Variants in HDHD2 observed in about 807,000 individuals in gnomAD.
The protein encoded by HDHD2 is haloacid dehalogenase-like hydrolase domain-containing protein 2.
A neutral mutation model predicts 24.8 loss-of-function variants in HDHD2; 26 were observed. The observed-to-expected ratio is 1.05, with a 90% CI of 0.77 to 1.45. The LOEUF (loss-of-function observed/expected upper bound fraction) is 1.45. Ranked by LOEUF, HDHD2 falls within the 40% of genes most tolerant of loss-of-function variation. The pLI, the probability that HDHD2 is intolerant of heterozygous loss-of-function variation, is 0.00. For synonymous variants in HDHD2, 128 were observed against 114.9 expected (o/e 1.11, Z -0.73); for missense variants, 299 against 313.4 (o/e 0.95, Z 0.35).
chr18:47,124,599 G>A (rs879872225), intron 4 of HDHD2, among the ~76,000 whole-genome samples: 11 of 151,278 alleles, frequency 7.3e-5, no homozygotes, highest in Non-Finnish European at 1.5e-4. Flanking sequence ...CCAGCTACTC[G>A]GGAGGCTGAG....
intron 1 of HDHD2, among the ~76,000 whole-genome samples, chr18:47,142,030 G>A (rs944691449): frequency 6.6e-6 from 1 of 152,146 alleles, no homozygotes; most frequent in Non-Finnish European, 1.5e-5. Flanking sequence ...TGTAAGACAT[G>A]CCTTTGTTAC....
At chr18:47,114,340 TG>T (rs2063539777) in intron 5 of HDHD2, among the ~76,000 whole-genome samples, 1 of 152,220 alleles carries the variant, frequency 6.6e-6, no homozygotes. Flanking sequence ...TAATTAGCTA[TG>T]GGAATTCAGG....
intron 4 of HDHD2, among the ~76,000 whole-genome samples, chr18:47,123,182 A>G (rs920652616): frequency 7.2e-5 from 11 of 152,230 alleles, no homozygotes; most frequent in African/African-American, 2.7e-4. Flanking sequence ...TTAATACAAA[A>G]ATTTATTAGA....
chr18:47,134,755 C>G (rs1397732861), intron 2 of HDHD2, 51 bp from the exon 3 acceptor site: 4 of 1,414,418 alleles, frequency 2.8e-6, no homozygotes, highest in Non-Finnish European at 4.0e-6. Flanking sequence ...CATTCTGGCC[C>G]TATAAAATCT....
At chr18:47,124,094 T>C (rs988231961) in intron 4 of HDHD2, among the ~76,000 whole-genome samples, 1 of 152,236 alleles carries the variant, frequency 6.6e-6, no homozygotes, top group African/African-American at 2.4e-5. Flanking sequence ...TACGTGTTGC[T>C]GGAACAACTG....
chr18:47,118,320 A>C (rs1021665558), intron 4 of HDHD2, among the ~76,000 whole-genome samples: 1 of 152,246 alleles, frequency 6.6e-6, no homozygotes, highest in African/African-American at 2.4e-5. Context: ...CTGCAGCATT[A>C]GTCACAAAAG....
Position 47,133,459 on chromosome 18 carries a change from T to C in HDHD2, c.310+1037A>G, listed in dbSNP as rs530811903. Among the ~76,000 whole-genome samples the C allele has an allele frequency of 2.8e-5, 4 of 144,610 alleles. No homozygotes were observed. In the South Asian group the frequency reaches 9.0e-4, roughly 32 times the overall value. The allele number at this position is 144,610 out of a possible 152,430, so 94.9% of individuals were successfully genotyped here. On this transcript the variant is annotated intron_variant, in intron 3 of 6. Transcript: ENST00000300605. The stretch of plus-strand genomic sequence containing the variant: ...TGAATAGTGCCACAGTAAACATATG[T>C]GTGCATGTGTCTTTATAGCAGCATG...
chr18:47,140,529 T>C (rs906004109), intron 1 of HDHD2, among the ~76,000 whole-genome samples: 6 of 150,464 alleles, frequency 4.0e-5, no homozygotes, highest in African/African-American at 1.3e-4. Flanking sequence ...TCCAAACTCT[T>C]TTTTTTTGAG....
intron 5 of HDHD2, 40 bp from the exon 6 acceptor site, chr18:47,113,080 A>C (rs1402418866): frequency 6.4e-7 from 1 of 1,560,908 alleles, no homozygotes; most frequent in Non-Finnish European, 8.8e-7. Flanking sequence ...CAGTGTCTTC[A>C]GTAAGCTAGC....
In HDHD2 at chr18:47,113,013, G is replaced by A. The variant is rs2144279463; in HGVS notation, c.640C>T (p.Gln214Ter). 6.2e-7 allele frequency: 1 copy of A among 1,614,084 alleles called. No individual in the cohort carries two copies. The highest frequency in any genetic ancestry group is 2.2e-5 in the East Asian group (1 of 44,882). ...DDCRDDVGGA[Q>*]DVGMLGILVK... ...AAGATGCCCAGCATGCCGACATCTT[G>A]AGCCCCACCAACATCATCCCTGCAA... Residue 214 changes from glutamine (Q) to a stop codon, truncating the protein, a stop_gained, in exon 6 of 7, where the codon CAA becomes TAA. Coordinates refer to ENST00000300605, the MANE Select transcript of HDHD2 (RefSeq NM_032124.5). LOFTEE classifies it high-confidence loss of function.
At chr18:47,135,571 T>A (rs529019310) in intron 2 of HDHD2, among the ~76,000 whole-genome samples, 1 of 152,204 alleles carries the variant, frequency 6.6e-6, no homozygotes, top group African/African-American at 2.4e-5. Flanking sequence ...TATGAGTCAC[T>A]AGATTTTCTG....
chr18:47,134,038 T>C (rs533499985), intron 3 of HDHD2, among the ~76,000 whole-genome samples: 2 of 152,358 alleles, frequency 1.3e-5, no homozygotes, highest in African/African-American at 4.8e-5. Context: ...GTTTTACACA[T>C]GAAGTCCTTG....
intron 5 of HDHD2, among the ~76,000 whole-genome samples, chr18:47,113,362 T>C (rs953445037): frequency 6.6e-6 from 1 of 152,196 alleles, no homozygotes; most frequent in African/African-American, 2.4e-5. Context: ...AAACAGATCA[T>C]GGAAAAATGC....
chr18:47,141,375 T>C (rs2063818156), intron 1 of HDHD2, among the ~76,000 whole-genome samples: 1 of 152,232 alleles, frequency 6.6e-6, no homozygotes, highest in Admixed American at 6.5e-5. Flanking sequence ...AACAGAAGGC[T>C]AGTTTAATAA....
intron 6 of HDHD2, chr18:47,111,679 A>G (rs1270499060): frequency 7.1e-6 from 7 of 985,424 alleles, no homozygotes; most frequent in Non-Finnish European, 7.2e-6. Context: ...CAAGGCTCCA[A>G]TGGTTCACTT....
chr18:47,117,735 T>G (rs958479336), intron 4 of HDHD2, among the ~76,000 whole-genome samples: 11 of 152,108 alleles, frequency 7.2e-5, no homozygotes, highest in African/African-American at 1.4e-4. Flanking sequence ...CCCAGCACTT[T>G]GGGAGACCAA....
rs1259624201 is a variant in HDHD2 at position 47,107,630 on chromosome 18, C to A, written c.*1052G>T. The A allele has an allele frequency of 2.0e-5, 3 of 152,422 alleles. No individual in the cohort carries two copies. The highest frequency in any genetic ancestry group is 4.8e-5 in the African/African-American group (2 of 41,434). The allele number at this position is 152,422 out of a possible 1,614,324, so 9.4% of individuals were successfully genotyped here. A position where few individuals can be genotyped will look rare whatever the true frequency, so the allele number is the denominator to read the frequency against. On this transcript the variant is annotated 3_prime_UTR_variant, in exon 7 of 7. Transcript: ENST00000300605. Reference sequence around the variant, plus strand: ...CAGTATGCAAATGCACTAGGAAAATCATTACCTATTTAGTCCCCTTTATTT... The same window carrying A: ...CAGTATGCAAATGCACTAGGAAAATAATTACCTATTTAGTCCCCTTTATTT...
intron 4 of HDHD2, among the ~76,000 whole-genome samples, chr18:47,129,690 C>T (rs954974629): frequency 3.3e-5 from 5 of 152,102 alleles, no homozygotes; most frequent in African/African-American, 1.2e-4. Flanking sequence ...GGTAGAATCG[C>T]ATTTATTGTT....
intron 1 of HDHD2, among the ~76,000 whole-genome samples, chr18:47,139,831 A>G (rs1394681465): frequency 6.6e-6 from 1 of 152,200 alleles, no homozygotes; most frequent in Admixed American, 6.5e-5. Flanking sequence ...AGTCTTCTGT[A>G]TTGACTGTTG....
Sources: allele counts gnomAD v4.1 joint callset (sites outside exome capture counted in the v4.1 genomes callset), GRCh38; gene constraint gnomAD v4.1.1; transcripts MANE v1.5; gene names NCBI Gene and HGNC (gene_info 2026-07-23, HGNC 2026-07-21).